The following FGF14 variants were observed in gnomAD, a reference collection of about 807,000 sequenced individuals.
The protein encoded by FGF14 is fibroblast growth factor 14.
A neutral mutation model predicts 25.5 loss-of-function variants in FGF14; 5 were observed. That is an observed-to-expected ratio of 0.20 (90% CI 0.10 to 0.41). The LOEUF is 0.41. Ranked by LOEUF, FGF14 falls within the 10% of genes least tolerant of loss-of-function variation. The probability of loss-of-function intolerance (pLI) is 1.00; values close to 1 mark genes in which losing one functional copy is unlikely to be tolerated. For synonymous variants in FGF14, 138 were observed against 118.3 expected (o/e 1.17, Z -1.08); for missense variants, 222 against 320.1 (o/e 0.69, Z 2.34).
rs117275919 is a variant in FGF14 at position 102,225,617 on chromosome 13, A to G, written c.208+175854T>C. Among the ~76,000 whole-genome samples the G allele has an allele frequency of 5.4e-3, 828 of 152,268 alleles. 8 individuals are homozygous for G. The highest frequency in any genetic ancestry group is 8.9e-3 in the Non-Finnish European group (602 of 68,010). Reference sequence around the variant, plus strand: ...TTTCCAGTCACCTCTAACTGATAATATTAGGTCCCTGAGTATACATTAAAG... The same window carrying G: ...TTTCCAGTCACCTCTAACTGATAATGTTAGGTCCCTGAGTATACATTAAAG... On this transcript the variant is annotated intron_variant, in intron 1 of 4. Transcript: ENST00000376131.
chr13:102,275,165 A>G (rs575400666), intron 1 of FGF14, among the ~76,000 whole-genome samples: 3 of 150,666 alleles, frequency 2.0e-5, no homozygotes, highest in African/African-American at 4.9e-5. Context: ...CTGCATTTTG[A>G]CCTTGTGGGT....
At chr13:101,739,113 A>ATATATATATATATATACATG (rs1555372897) in intron 3 of FGF14, among the ~76,000 whole-genome samples, 33 of 8,108 alleles carry the variant, frequency 4.1e-3, no homozygotes, top group Non-Finnish European at 8.7e-3. Flanking sequence ...ATATACATGT[A>ATATATATATATATATACATG]TATATATATA....
intron 3 of FGF14, among the ~76,000 whole-genome samples, chr13:101,742,206 C>T (rs570739174): frequency 2.7e-4 from 41 of 152,252 alleles, no homozygotes; most frequent in African/African-American, 9.6e-4. Flanking sequence ...AGGACAAATA[C>T]CTGATGCATG....
chr13:101,724,323 T>C (rs2035213153), intron 4 of FGF14, among the ~76,000 whole-genome samples: 1 of 151,576 alleles, frequency 6.6e-6, no homozygotes, highest in African/African-American at 2.4e-5. Flanking sequence ...ACCATCATTC[T>C]CAGCAAACTA....
At chr13:102,210,972 T>C (rs1173995274) in intron 1 of FGF14, among the ~76,000 whole-genome samples, 7 of 152,220 alleles carry the variant, frequency 4.6e-5, no homozygotes, top group African/African-American at 1.7e-4. Context: ...AACAACCTCT[T>C]GGGACGAAAG....
In FGF14 at chr13:101,713,340, C is replaced by A. The variant is rs1447406095; in HGVS notation, c.*9491G>T. On this transcript the variant is annotated 3_prime_UTR_variant, in exon 5 of 5. Coordinates refer to ENST00000376143, the MANE Select transcript of FGF14 (RefSeq NM_004115.4). ...TTAAAAGAAGCACTAATGATTGATT[C>A]TTGCCCCTTTTCAATATATTTTGAA... 1 of 152,126 alleles carries A rather than the reference C, an allele frequency of 6.6e-6. No individual in the cohort carries two copies. The allele number at this position is 152,126 out of a possible 1,614,324, so 9.4% of individuals were successfully genotyped here.
intron 1 of FGF14, chr13:102,003,198 A>G (rs2039593967): frequency 6.6e-6 from 1 of 152,214 alleles, no homozygotes; most frequent in African/African-American, 2.4e-5. Flanking sequence ...TATTGCCAGT[A>G]AGTTTTACCC....
chr13:102,134,303 T>C (rs562158435), intron 1 of FGF14, among the ~76,000 whole-genome samples: 5 of 152,162 alleles, frequency 3.3e-5, no homozygotes, highest in Non-Finnish European at 5.9e-5. Flanking sequence ...GGAAAAAAAA[T>C]CCCTAAGCAG....
intron 1 of FGF14, among the ~76,000 whole-genome samples, chr13:102,115,821 G>GA (rs1243911323): frequency 6.6e-6 from 1 of 151,896 alleles, no homozygotes; most frequent in African/African-American, 2.4e-5. Context: ...AAATAAAGTA[G>GA]AAAAAAACAG....
chr13:102,122,931 G>C (rs906131589), intron 1 of FGF14, among the ~76,000 whole-genome samples: 1 of 152,176 alleles, frequency 6.6e-6, no homozygotes, highest in Non-Finnish European at 1.5e-5. Flanking sequence ...GCAAGTGTTT[G>C]ATCTCAAGTT....
chr13:102,165,750 CA>C (rs2047977480), intron 1 of FGF14, among the ~76,000 whole-genome samples: 1 of 150,548 alleles, frequency 6.6e-6, no homozygotes, highest in Non-Finnish European at 1.5e-5. Flanking sequence ...ACCAACATGG[CA>C]CATGTATACG....
At chr13:102,165,561 A>C (rs1473771702) in intron 1 of FGF14, among the ~76,000 whole-genome samples, 2 of 150,362 alleles carry the variant, frequency 1.3e-5, no homozygotes, top group Admixed American at 6.6e-5. Flanking sequence ...AAACTATCGC[A>C]AGGACAAAAA....
At chr13:101,993,620 GT>G (rs1202831671) in intron 1 of FGF14, among the ~76,000 whole-genome samples, 2 of 152,050 alleles carry the variant, frequency 1.3e-5, no homozygotes, top group African/African-American at 2.4e-5. Flanking sequence ...GCAGTATTGT[GT>G]TATTTAAAAG....
intron 3 of FGF14, among the ~76,000 whole-genome samples, chr13:101,828,065 T>C (rs1028434812): frequency 1.3e-4 from 20 of 152,062 alleles, no homozygotes; most frequent in Admixed American, 6.6e-5. Context: ...AATAAATAAT[T>C]TATACATTAC....
intron 1 of FGF14, among the ~76,000 whole-genome samples, chr13:102,149,817 C>A (rs1486085068): frequency 6.6e-6 from 1 of 152,114 alleles, no homozygotes; most frequent in Non-Finnish European, 1.5e-5. Flanking sequence ...ATACAGGGAG[C>A]CCTACTTGGA....
At chr13:101,794,723 C>G (rs1594274148) in intron 3 of FGF14, among the ~76,000 whole-genome samples, 1 of 152,096 alleles carries the variant, frequency 6.6e-6, no homozygotes, top group East Asian at 1.9e-4. Flanking sequence ...ACAAAGCCAT[C>G]TCTAGCAATT....
chr13:101,776,082 G>GTT (rs572091554), intron 3 of FGF14, among the ~76,000 whole-genome samples: 244 of 152,168 alleles, frequency 1.6e-3, no homozygotes, highest in African/African-American at 5.6e-3. Flanking sequence ...GCGCTTACGA[G>GTT]TTCCATTAAT....
intron 2 of FGF14, among the ~76,000 whole-genome samples, chr13:101,873,823 G>C (rs757298229): frequency 6.6e-6 from 1 of 151,902 alleles, no homozygotes; most frequent in Non-Finnish European, 1.5e-5. Flanking sequence ...TTCTGTAGCT[G>C]AATTGTTTTA....
chr13:101,894,678 A>C (rs2030352779), intron 1 of FGF14, among the ~76,000 whole-genome samples: 1 of 152,176 alleles, frequency 6.6e-6, no homozygotes. Context: ...TAGATGTGAA[A>C]CTGAGCTTCT....
Sources: allele counts gnomAD v4.1 joint callset (sites outside exome capture counted in the v4.1 genomes callset), GRCh38; gene constraint gnomAD v4.1.1; transcripts MANE v1.5; gene names NCBI Gene and HGNC (gene_info 2026-07-23, HGNC 2026-07-21).